The following SPRED1 variants were observed in gnomAD, a reference collection of about 807,000 sequenced individuals.
SPRED1 encodes sprouty-related, EVH1 domain-containing protein 1.
A neutral mutation model predicts 52.3 loss-of-function variants in SPRED1; 18 were observed. The ratio of observed to expected loss-of-function variants is 0.34; its 90% CI spans 0.24 to 0.51. The LOEUF is 0.51. SPRED1 is among the 20% of genes least tolerant of loss of function. The pLI is 0.97. For synonymous variants in SPRED1, 155 were observed against 179.7 expected, an observed-to-expected ratio of 0.86 and a Z score of 1.10; for missense variants, 485 against 551.0, an observed-to-expected ratio of 0.88 and a Z score of 1.20.
chr15:38,288,952 A>G (rs539338799), intron 1 of SPRED1, among the ~76,000 whole-genome samples: 6 of 152,334 alleles, frequency 3.9e-5, no homozygotes, highest in African/African-American at 1.4e-4. Flanking sequence ...ATTCAAAATT[A>G]AGATTAGTTT....
At chr15:38,311,344 C>T (rs1445456914) in intron 2 of SPRED1, among the ~76,000 whole-genome samples, 10 of 152,032 alleles carry the variant, frequency 6.6e-5, no homozygotes, top group African/African-American at 2.4e-4. Flanking sequence ...AGGAATTTTG[C>T]ATTTAAGTTC....
At chr15:38,328,810 C>T (rs1895758006) in intron 4 of SPRED1, among the ~76,000 whole-genome samples, 2 of 152,078 alleles carry the variant, frequency 1.3e-5, no homozygotes, top group Middle Eastern at 3.4e-3. Context: ...GCCTTTGCCT[C>T]CTGGGCTCAA....
At chr15:38,333,063 A>G (rs1248310986) in intron 4 of SPRED1, among the ~76,000 whole-genome samples, 1 of 152,146 alleles carries the variant, frequency 6.6e-6, no homozygotes, top group African/African-American at 2.4e-5. Flanking sequence ...ATACTATCAT[A>G]TTGGTAATTA....
chr15:38,260,701 A>T (rs1894187901), intron 1 of SPRED1, among the ~76,000 whole-genome samples: 1 of 152,236 alleles, frequency 6.6e-6, no homozygotes, highest in Admixed American at 6.5e-5. Flanking sequence ...AATATAATTA[A>T]TTTCTTTTGT....
Position 38,272,276 on chromosome 15 carries a change from G to GTTTTTTTTTTTTTT in SPRED1, c.32+19069_32+19070insTTTTTTTTTTTTTT, listed in dbSNP as rs1555387949. Among the ~76,000 whole-genome samples, 8 of 131,484 alleles carry GTTTTTTTTTTTTTT rather than the reference G, an allele frequency of 6.1e-5. 2 individuals carry two copies. Among genetic ancestry groups the GTTTTTTTTTTTTTT allele is most frequent in the African/African-American group, 5.5e-5 (2 of 36,410 alleles). 86.3% of individuals were successfully genotyped at this position (131,484 alleles called of 152,430 possible). ...TGAGATTGTAGGGGTCGAATGCTAG[G>GTTTTTTTTTTTTTT]TTTTTTTTTTGAGATGAAGTCTTGC... On this transcript the variant is annotated intron_variant, in intron 1 of 6. Transcript: ENST00000299084.
intron 5 of SPRED1, among the ~76,000 whole-genome samples, chr15:38,340,256 A>G (rs1896002218): frequency 2.6e-5 from 4 of 152,190 alleles, no homozygotes; most frequent in Admixed American, 6.5e-5. Context: ...TTGTGTTCCT[A>G]CAGAACTAAA....
chr15:38,258,607 A>T (rs1894147712), intron 1 of SPRED1, among the ~76,000 whole-genome samples: 1 of 152,192 alleles, frequency 6.6e-6, no homozygotes, highest in African/African-American at 2.4e-5. Context: ...TATTTAGTAT[A>T]TGAGAGTGCT....
chr15:38,330,030 G>T (rs914610364), intron 4 of SPRED1, among the ~76,000 whole-genome samples: 2 of 152,080 alleles, frequency 1.3e-5, no homozygotes, highest in Non-Finnish European at 2.9e-5. Flanking sequence ...AAAAATCCTA[G>T]AAATATACTT....
Position 38,349,406 on chromosome 15 carries a change from ATTGT to A in SPRED1, c.583-11_583-8del. 1 of 1,578,414 alleles carries A rather than the reference ATTGT, an allele frequency of 6.3e-7. No individual in the cohort carries two copies. Among genetic ancestry groups the A allele is most frequent in the Non-Finnish European group, 8.7e-7 (1 of 1,148,220 alleles). On this transcript the variant is annotated splice_polypyrimidine_tract_variant and intron_variant, in intron 5 of 6. Transcript: ENST00000299084. ...AAATTCTTGTGTCATTTAAGTAGAAATTGTTTGTATTTTAGATAACATTTGGTCA... is the reference window on the plus strand; with the variant it reads ...AAATTCTTGTGTCATTTAAGTAGAAATTGTATTTTAGATAACATTTGGTCA...
intron 1 of SPRED1, among the ~76,000 whole-genome samples, chr15:38,276,451 T>C (rs573475204): frequency 4.1e-4 from 63 of 152,288 alleles, no homozygotes; most frequent in African/African-American, 1.5e-3. Context: ...TGATATTGTT[T>C]CATAATTGTA....
intron 1 of SPRED1, among the ~76,000 whole-genome samples, chr15:38,288,233 G>A (rs1894848765): frequency 6.6e-6 from 1 of 152,110 alleles, no homozygotes. Flanking sequence ...GTAGAGGAAG[G>A]TACTGGAAAT....
rs1333333113 is a variant in SPRED1, at chr15:38,253,189, A to G, written c.4A>G (p.Ser2Gly). The change falls in exon 1 of 7, where the codon AGC (serine) becomes GGC (glycine). Residue 2 changes from serine to glycine, a missense_variant. Ser to Gly is a moderately conservative substitution (Grantham distance 56, BLOSUM62 0). Around this residue, in one of 5 missense-constraint regions of SPRED1, gnomAD observed 34 missense variants for 25.8 expected, o/e 1.32. Transcript: ENST00000299084. M[S>G]EETATSDNDN... ...ATCGGATCACGGTGAGGGAAAGATG[A>G]GCGAGGAGACGGCGACTTCTGACAA... 1 of 1,580,342 alleles carries G rather than the reference A, an allele frequency of 6.3e-7. No homozygotes were observed. Among genetic ancestry groups the G allele is most frequent in the Non-Finnish European group, 8.6e-7 (1 of 1,162,182 alleles).
chr15:38,320,107 TA>T (rs1316087217), intron 2 of SPRED1, among the ~76,000 whole-genome samples: 2 of 152,232 alleles, frequency 1.3e-5, no homozygotes, highest in African/African-American at 4.8e-5. Context: ...TTTATTATTT[TA>T]TTTTTAATGC....
chr15:38,332,393 G>A (rs1895822364), intron 4 of SPRED1, among the ~76,000 whole-genome samples: 1 of 152,086 alleles, frequency 6.6e-6, no homozygotes. Context: ...GAGCAACATA[G>A]TAAGACTCTG....
intron 1 of SPRED1, among the ~76,000 whole-genome samples, chr15:38,262,288 A>G (rs995337658): frequency 2.6e-5 from 4 of 152,232 alleles, no homozygotes; most frequent in African/African-American, 4.8e-5. Flanking sequence ...TAAAATCGCT[A>G]TCACAGTCCA....
Position 38,351,027 on chromosome 15 carries a change from C to A in SPRED1, c.698C>A (p.Ser233Ter). 6.2e-7 allele frequency: 1 copy of A among 1,613,252 alleles called. No homozygotes were observed. Among genetic ancestry groups the A allele is most frequent in the Non-Finnish European group, 8.5e-7 (1 of 1,179,836 alleles). ...TTTCTTTTTTAGGTCCCTTTGAAAT[C>A]AATCAGACATGTCAGCTTTCAAGAT... ...LKSQNRVPLK[S>*]IRHVSFQDED... Residue 233 changes from serine to a stop codon, truncating the protein, a stop_gained, in exon 7 of 7, where the codon TCA (serine) becomes TAA (stop). Transcript: ENST00000299084. LOFTEE classifies it high-confidence loss of function.
At chr15:38,260,533 G>C (rs1007456088) in intron 1 of SPRED1, among the ~76,000 whole-genome samples, 5 of 151,952 alleles carry the variant, frequency 3.3e-5, no homozygotes, top group African/African-American at 1.2e-4. Flanking sequence ...CACAATTGCT[G>C]TTAGCTGTTA....
chr15:38,264,096 A>C (rs1358715570), intron 1 of SPRED1, among the ~76,000 whole-genome samples: 1 of 152,224 alleles, frequency 6.6e-6, no homozygotes. Flanking sequence ...TGGATGGAGC[A>C]AGGCCTAGGA....
At chr15:38,292,226 A>T (rs1454996021) in intron 1 of SPRED1, among the ~76,000 whole-genome samples, 3 of 152,130 alleles carry the variant, frequency 2.0e-5, no homozygotes, top group Non-Finnish European at 4.4e-5. Context: ...CCTCATCTCC[A>T]TCTGAGACCA....
Sources: allele counts gnomAD v4.1 joint callset (sites outside exome capture counted in the v4.1 genomes callset), GRCh38; gene constraint gnomAD v4.1.1; regional missense constraint gnomAD v4.1.1; transcripts MANE v1.5; gene names NCBI Gene and HGNC (gene_info 2026-07-23, HGNC 2026-07-21).